Variants in FSTL5 observed in about 807,000 individuals in gnomAD.
The protein encoded by FSTL5 is follistatin-related protein 5.
In FSTL5, 62 loss-of-function variants were observed where a neutral mutation model predicts 89.1. That is an observed-to-expected ratio of 0.70 (90% CI 0.57 to 0.86). The LOEUF is 0.86. Among genes scored for constraint, FSTL5 ranks in the 40% least tolerant of loss-of-function variants. The probability of loss-of-function intolerance (pLI) is 0.00; values close to 1 mark genes in which losing one functional copy is unlikely to be tolerated. For synonymous variants in FSTL5, 383 were observed against 346.2 expected (o/e 1.11, Z -1.18); for missense variants, 1,057 against 1,001.6 (o/e 1.06, Z -0.75).
chr4:161,701,910 T>C (rs1217329418), intron 6 of FSTL5, among the ~76,000 whole-genome samples: 2 of 152,110 alleles, frequency 1.3e-5, no homozygotes, highest in Non-Finnish European at 2.9e-5. Context: ...TTTATATTGT[T>C]CCATGTATTA....
rs774938468 is a variant in FSTL5, at chr4:161,455,063, T to C, written c.1782A>G (p.Gln594=). The change falls in exon 15 of 16, where the codon CAA becomes CAG. Residue 594 remains glutamine, a synonymous_variant. Transcript: ENST00000306100. ...HTIHTQPVGK[Q]FDRVDDFFIP... ...TGAAAAAATCATCCACTCTGTCAAATTGCTTTCCCACTGGTTGGGTGTGGA... is the reference window on the plus strand; with the variant it reads ...TGAAAAAATCATCCACTCTGTCAAACTGCTTTCCCACTGGTTGGGTGTGGA... The C allele has an allele frequency of 1.2e-6, 2 of 1,613,532 alleles. No individual in the cohort carries two copies. Among genetic ancestry groups the C allele is most frequent in the Non-Finnish European group, 1.7e-6 (2 of 1,179,762 alleles).
intron 4 of FSTL5, among the ~76,000 whole-genome samples, chr4:161,908,101 C>T (rs992157290): frequency 1.1e-4 from 16 of 151,850 alleles, no homozygotes; most frequent in Admixed American, 6.6e-4. Flanking sequence ...GGGACCAATG[C>T]TAATCTAACC....
At chr4:162,139,353 T>C (rs756611194) in intron 1 of FSTL5, among the ~76,000 whole-genome samples, 2 of 151,980 alleles carry the variant, frequency 1.3e-5, no homozygotes, top group Non-Finnish European at 2.9e-5. Context: ...TCAAGGACAA[T>C]TGGAAGGGCC....
chr4:161,998,400 C>A (rs1332775880), intron 3 of FSTL5, among the ~76,000 whole-genome samples: 1 of 152,074 alleles, frequency 6.6e-6, no homozygotes, highest in Non-Finnish European at 1.5e-5. Context: ...TAAGAGCCTA[C>A]CTTCAAAGAA....
At chr4:161,700,318 C>G (rs1460781549) in intron 6 of FSTL5, among the ~76,000 whole-genome samples, 3 of 152,094 alleles carry the variant, frequency 2.0e-5, no homozygotes, top group East Asian at 1.9e-4. Context: ...AGTCCAATTC[C>G]TGAGTTTGTG....
intron 4 of FSTL5, among the ~76,000 whole-genome samples, chr4:161,784,687 G>A (rs1741819502): frequency 1.3e-5 from 2 of 151,948 alleles, no homozygotes; most frequent in Admixed American, 1.3e-4. Context: ...GAAGTCAGGA[G>A]ATCGAGACCA....
chr4:161,602,431 A>C (rs531570441), intron 7 of FSTL5, among the ~76,000 whole-genome samples: 1 of 152,238 alleles, frequency 6.6e-6, no homozygotes, highest in South Asian at 2.1e-4. Context: ...AAAAAAATAG[A>C]ACAGGGTATC....
At chr4:161,980,261 AAAAG>A (rs60880931) in intron 3 of FSTL5, among the ~76,000 whole-genome samples, 105,758 of 147,436 alleles carry the variant, frequency 0.72, 39,202 homozygotes, top group Middle Eastern at 0.83. Flanking sequence ...GAAGAAAGAA[AAAAG>A]AAAGAAAGAA....
chr4:161,770,448 G>A (rs1165466706), intron 5 of FSTL5, among the ~76,000 whole-genome samples: 2 of 151,762 alleles, frequency 1.3e-5, no homozygotes, highest in African/African-American at 4.8e-5. Context: ...ATATCAAAGT[G>A]TCTCATGTAA....
At chr4:161,853,495 T>C (rs1731625811) in intron 4 of FSTL5, among the ~76,000 whole-genome samples, 1 of 152,034 alleles carries the variant, frequency 6.6e-6, no homozygotes, top group Admixed American at 6.6e-5. Flanking sequence ...CTCAAACTCC[T>C]GACCTCAGGT....
At chr4:161,736,516 G>A (rs1739823243) in intron 6 of FSTL5, among the ~76,000 whole-genome samples, 1 of 152,050 alleles carries the variant, frequency 6.6e-6, no homozygotes, top group South Asian at 2.1e-4. Flanking sequence ...CCTTGTAAAT[G>A]ACATTTTAGT....
chr4:161,827,574 C>G (rs907267953), intron 4 of FSTL5, among the ~76,000 whole-genome samples: 12 of 152,150 alleles, frequency 7.9e-5, no homozygotes, highest in Non-Finnish European at 1.8e-4. Context: ...CCATCAGGTT[C>G]TGGAAGGGTT....
chr4:161,542,398 C>T, intron 9 of FSTL5, 134 bp downstream of exon 9: 1 of 459,186 alleles, frequency 2.2e-6, no homozygotes, highest in Non-Finnish European at 3.7e-6. Flanking sequence ...TAGATATGAG[C>T]ATTTTTTTTC....
intron 6 of FSTL5, among the ~76,000 whole-genome samples, chr4:161,670,300 G>C (rs1236906940): frequency 6.6e-6 from 1 of 152,148 alleles, no homozygotes; most frequent in Non-Finnish European, 1.5e-5. Context: ...GTTAACAAAT[G>C]TGTTCAGTGC....
chr4:161,440,969 T>C (rs1732740892), intron 15 of FSTL5, among the ~76,000 whole-genome samples: 2 of 152,310 alleles, frequency 1.3e-5, no homozygotes, highest in South Asian at 2.1e-4. Context: ...ACCTACCTGA[T>C]ACTTATAAGG....
At chr4:161,694,652 T>C (rs576188164) in intron 6 of FSTL5, among the ~76,000 whole-genome samples, 3 of 151,810 alleles carry the variant, frequency 2.0e-5, no homozygotes, top group South Asian at 2.1e-4. Context: ...ATTTTTGTTA[T>C]TTTTTTCCCC....
At chr4:161,437,483 C>T (rs901555233) in intron 15 of FSTL5, among the ~76,000 whole-genome samples, 1 of 143,690 alleles carries the variant, frequency 7.0e-6, no homozygotes, top group East Asian at 2.2e-4. Context: ...AGGAGAATGG[C>T]GTGAAACCGG....
chr4:162,053,719 G>GAT (rs1738452758), intron 2 of FSTL5, among the ~76,000 whole-genome samples: 1 of 151,664 alleles, frequency 6.6e-6, no homozygotes, highest in Non-Finnish European at 1.5e-5. Context: ...CAATTTAAAA[G>GAT]ATATATTCTA....
intron 4 of FSTL5, among the ~76,000 whole-genome samples, chr4:161,909,263 C>T (rs566114099): frequency 6.8e-4 from 103 of 152,114 alleles, no homozygotes; most frequent in Middle Eastern, 3.4e-3. Flanking sequence ...TACAATAAAG[C>T]GGACATAACA....
Sources: allele counts gnomAD v4.1 joint callset (sites outside exome capture counted in the v4.1 genomes callset), GRCh38; gene constraint gnomAD v4.1.1; transcripts MANE v1.5; gene names NCBI Gene and HGNC (gene_info 2026-07-23, HGNC 2026-07-21).